The following EMCN variants were observed in gnomAD, a reference collection of about 807,000 sequenced individuals.
EMCN encodes endomucin, also known as MUC-14.
EMCN carries 37 observed loss-of-function variants against 38.4 expected under a neutral mutation model. That is an observed-to-expected ratio of 0.96 (90% CI 0.74 to 1.27). The LOEUF (loss-of-function observed/expected upper bound fraction) is 1.27. Among genes scored for constraint, EMCN ranks in the 50% most tolerant of loss-of-function variants. EMCN has a pLI of 0.00. For missense variants in EMCN, 318 were observed against 302.8 expected (o/e 1.05, Z -0.37); for synonymous variants, 95 against 100.8 (o/e 0.94, Z 0.35).
chr4:100,496,224 A>G (rs185479061), intron 1 of EMCN, among the ~76,000 whole-genome samples: 1 of 152,272 alleles, frequency 6.6e-6, no homozygotes, highest in East Asian at 1.9e-4. Context: ...AACATTTGAA[A>G]ATACTACTCT....
At chr4:100,422,533 C>T (rs984319521) in intron 7 of EMCN, among the ~76,000 whole-genome samples, 24 of 151,508 alleles carry the variant, frequency 1.6e-4, no homozygotes, top group African/African-American at 5.8e-4. Flanking sequence ...TCTTAAAGGC[C>T]GTTTTTAATG....
intron 1 of EMCN, among the ~76,000 whole-genome samples, chr4:100,517,580 T>C (rs1729791117): frequency 6.6e-6 from 1 of 152,110 alleles, no homozygotes. Flanking sequence ...TTTTATACTC[T>C]AAAGAGGCCA....
In EMCN at chr4:100,419,062, A is replaced by AT. The variant is rs567832599; in HGVS notation, c.665-1922dup. Among the ~76,000 whole-genome samples, 117 of 151,896 alleles carry AT rather than the reference A, an allele frequency of 7.7e-4. 1 individual carries two copies. In the South Asian group the frequency reaches 0.023, roughly 30 times the overall value. Reference sequence around the variant, plus strand: ...ATTCTCTCCAGCAAAATGTATTGAGATTTTTATATGCCTGTTTTAATATTT... The same window carrying AT: ...ATTCTCTCCAGCAAAATGTATTGAGATTTTTTATATGCCTGTTTTAATATTT... On this transcript the variant is annotated intron_variant, in intron 8 of 11. Coordinates refer to ENST00000296420, the MANE Select transcript of EMCN (RefSeq NM_016242.4).
intron 11 of EMCN, among the ~76,000 whole-genome samples, chr4:100,402,920 C>G (rs140946578): frequency 2.6e-5 from 4 of 152,126 alleles, no homozygotes; most frequent in African/African-American, 9.6e-5. Context: ...CAGCCCTTTA[C>G]TAGCCACTGG....
At chr4:100,426,588 C>A (rs78164915) in intron 5 of EMCN, among the ~76,000 whole-genome samples, 3,182 of 152,232 alleles carry the variant, frequency 0.021, 120 homozygotes, top group African/African-American at 0.072. Flanking sequence ...AACTCTGCTT[C>A]TCTGAACATT....
intron 3 of EMCN, chr4:100,473,951 C>A: frequency 6.5e-6 from 1 of 153,000 alleles, no homozygotes; most frequent in South Asian, 1.8e-4. Flanking sequence ...AGAAAAAGCT[C>A]CAAAGCACTT....
At chr4:100,486,817 T>C in intron 1 of EMCN, 1 of 978,616 alleles carries the variant, frequency 1.0e-6, no homozygotes, top group South Asian at 4.7e-5. Flanking sequence ...ATGTCCTGGC[T>C]GACAAATGGA....
chr4:100,444,852 G>C (rs1354162346), intron 5 of EMCN, among the ~76,000 whole-genome samples: 1 of 152,122 alleles, frequency 6.6e-6, no homozygotes, highest in African/African-American at 2.4e-5. Flanking sequence ...TCCTTCTCTA[G>C]GGATAGCTCA....
chr4:100,397,939 C>T lies in EMCN; in HGVS notation c.*474G>A, dbSNP rs910305422. 1 of 151,954 alleles carries T rather than the reference C, an allele frequency of 6.6e-6. No individual in the cohort carries two copies. Among genetic ancestry groups the T allele is most frequent in the Non-Finnish European group, 1.5e-5 (1 of 68,002 alleles). 9.4% of individuals were successfully genotyped at this position (151,954 alleles called of 1,614,324 possible). A position where few individuals can be genotyped will look rare whatever the true frequency, so the allele number is the denominator to read the frequency against. On this transcript the variant is annotated 3_prime_UTR_variant, in exon 12 of 12. Coordinates refer to ENST00000296420, the MANE Select transcript of EMCN (RefSeq NM_016242.4). ...TTTCTACCTAATATTTAATAATACA[C>T]GTGCAACTTTTCCCTGCATTAACAT... is the stretch of plus-strand genomic sequence containing the variant.
At chr4:100,426,032 C>A (rs1727035175) in intron 5 of EMCN, among the ~76,000 whole-genome samples, 1 of 152,098 alleles carries the variant, frequency 6.6e-6, no homozygotes, top group Non-Finnish European at 1.5e-5. Context: ...AGAGTCAAGT[C>A]TGTTGTAATA....
intron 1 of EMCN, chr4:100,486,914 T>C (rs1728957714): frequency 3.0e-6 from 3 of 985,454 alleles, no homozygotes; most frequent in Non-Finnish European, 3.6e-6. Flanking sequence ...CCTTCACAAA[T>C]GGATAATTCT....
chr4:100,481,152 G>T (rs1013074178), intron 1 of EMCN, among the ~76,000 whole-genome samples: 1 of 152,008 alleles, frequency 6.6e-6, no homozygotes, highest in Non-Finnish European at 1.5e-5. Flanking sequence ...TTAGTTAAGA[G>T]GATGGACTTT....
intron 3 of EMCN, among the ~76,000 whole-genome samples, chr4:100,466,059 GA>G (rs1226890574): frequency 2.0e-5 from 3 of 151,238 alleles, no homozygotes; most frequent in Non-Finnish European, 4.4e-5. Context: ...GACATAAATG[GA>G]ATACACTTTT....
intron 11 of EMCN, among the ~76,000 whole-genome samples, chr4:100,407,607 G>A (rs1205402672): frequency 2.0e-5 from 3 of 152,028 alleles, no homozygotes; most frequent in Non-Finnish European, 4.4e-5. Flanking sequence ...CCACTGCTGT[G>A]GTTCCCTTTG....
chr4:100,503,179 G>C (rs929456227), intron 1 of EMCN, among the ~76,000 whole-genome samples: 5 of 151,792 alleles, frequency 3.3e-5, no homozygotes, highest in Admixed American at 6.6e-5. Context: ...ACACCTACTG[G>C]GCTGGAAATT....
intron 1 of EMCN, chr4:100,486,982 G>T (rs1728959660): frequency 1.0e-6 from 1 of 985,044 alleles, no homozygotes; most frequent in African/African-American, 1.7e-5. Flanking sequence ...TTAGTATAAG[G>T]AGTCATTTTA....
intron 1 of EMCN, among the ~76,000 whole-genome samples, chr4:100,501,866 T>TTG (rs1553932660): frequency 1.3e-5 from 2 of 151,910 alleles, no homozygotes; most frequent in Admixed American, 6.6e-5. Flanking sequence ...TTTTTTTTTT[T>TTG]GATAAGTTCT....
chr4:100,405,362 G>C (rs1726365208), intron 11 of EMCN, among the ~76,000 whole-genome samples: 1 of 151,944 alleles, frequency 6.6e-6, no homozygotes, highest in Non-Finnish European at 1.5e-5. Flanking sequence ...TGTCATAGAT[G>C]GATCTTATTA....
At chr4:100,421,929 G>T (rs114320702) in intron 7 of EMCN, among the ~76,000 whole-genome samples, 3,909 of 152,090 alleles carry the variant, frequency 0.026, 68 homozygotes, top group Non-Finnish European at 0.041. Flanking sequence ...ATGTGTGTCT[G>T]TTTGGGGGAG....
Sources: gnomAD v4.1 joint callset for allele counts (sites outside exome capture counted in the v4.1 genomes callset) on GRCh38, gnomAD v4.1.1 for gene constraint, MANE v1.5 for transcripts, NCBI Gene and HGNC (gene_info 2026-07-23, HGNC 2026-07-21) for gene names.